The following GRM3 variants were observed in gnomAD, a reference collection of about 807,000 sequenced individuals.
The protein encoded by GRM3 is metabotropic glutamate receptor 3.
GRM3 carries 26 observed loss-of-function variants against 70.5 expected under a neutral mutation model. The ratio of observed to expected loss-of-function variants is 0.37; its 90% confidence interval spans 0.27 to 0.51. The LOEUF (loss-of-function observed/expected upper bound fraction) is 0.51. GRM3 is among the 20% of genes least tolerant of loss of function. The pLI is 0.93. For synonymous variants in GRM3, 443 were observed against 434.9 expected (o/e 1.02, Z -0.23); for missense variants, 859 against 1,123.8 (o/e 0.76, Z 3.37).
At chr7:86,806,827 A>G (rs1443401615) in intron 3 of GRM3, among the ~76,000 whole-genome samples, 3 of 151,874 alleles carry the variant, frequency 2.0e-5, no homozygotes, top group African/African-American at 4.8e-5. Flanking sequence ...GCCCATGCCT[A>G]TGTCCTGAAT....
At chr7:86,741,950 C>G (rs1162533002) in intron 1 of GRM3, among the ~76,000 whole-genome samples, 1 of 151,890 alleles carries the variant, frequency 6.6e-6, no homozygotes, top group African/African-American at 2.4e-5. Flanking sequence ...AGTAACATAC[C>G]ACACCAAAAT....
At chr7:86,853,784 T>C (rs1321311659) in intron 5 of GRM3, among the ~76,000 whole-genome samples, 1 of 152,198 alleles carries the variant, frequency 6.6e-6, no homozygotes, top group Non-Finnish European at 1.5e-5. Flanking sequence ...TACCTCTTTA[T>C]ATGATTATCT....
At chr7:86,742,074 G>A (rs992636313) in intron 1 of GRM3, among the ~76,000 whole-genome samples, 1 of 152,160 alleles carries the variant, frequency 6.6e-6, no homozygotes, top group African/African-American at 2.4e-5. Flanking sequence ...GCTCAAGACT[G>A]GTGGCTGGAA....
At chr7:86,840,110 G>A (rs1008770012) in intron 4 of GRM3, among the ~76,000 whole-genome samples, 2 of 152,138 alleles carry the variant, frequency 1.3e-5, no homozygotes, top group African/African-American at 4.8e-5. Flanking sequence ...CACTGTGCTA[G>A]GCACAGAGGG....
chr7:86,660,949 G>T (rs1407533567), intron 1 of GRM3, among the ~76,000 whole-genome samples: 1 of 151,958 alleles, frequency 6.6e-6, no homozygotes, highest in Non-Finnish European at 1.5e-5. Context: ...GCTAGACACT[G>T]AGTATAGAAT....
intron 3 of GRM3, among the ~76,000 whole-genome samples, chr7:86,798,285 C>T (rs1419173005): frequency 6.6e-6 from 1 of 152,128 alleles, no homozygotes; most frequent in East Asian, 1.9e-4. Context: ...AGACACTCAA[C>T]CCAGCCCATG....
chr7:86,849,413 A>C (rs560471934), intron 4 of GRM3, among the ~76,000 whole-genome samples: 97 of 151,052 alleles, frequency 6.4e-4, no homozygotes, highest in Non-Finnish European at 1.1e-3. Flanking sequence ...ATTATGCCAC[A>C]GGGCAGGCTG....
intron 1 of GRM3, among the ~76,000 whole-genome samples, chr7:86,696,103 T>C (rs1180515473): frequency 6.6e-6 from 1 of 152,224 alleles, no homozygotes; most frequent in Admixed American, 6.5e-5. Context: ...TTTCTAAACA[T>C]GCCTGTTTCC....
intron 1 of GRM3, among the ~76,000 whole-genome samples, chr7:86,761,215 A>G (rs1796472429): frequency 6.6e-6 from 1 of 152,164 alleles, no homozygotes; most frequent in Non-Finnish European, 1.5e-5. Context: ...TGGGTGTTCA[A>G]TAAATATTTC....
At chr7:86,674,662 C>T (rs78513353) in intron 1 of GRM3, among the ~76,000 whole-genome samples, 4,138 of 152,200 alleles carry the variant, frequency 0.027, 97 homozygotes, top group Non-Finnish European at 0.04. Context: ...CAGCTACAGT[C>T]ACAGTTTCTT....
At chr7:86,853,118 C>T (rs1798783495) in intron 5 of GRM3, among the ~76,000 whole-genome samples, 1 of 152,102 alleles carries the variant, frequency 6.6e-6, no homozygotes, top group African/African-American at 2.4e-5. Context: ...GGTTTTCATA[C>T]TGTAGACTGT....
chr7:86,733,260 G>C lies in GRM3; in HGVS notation c.-140-31746G>C, dbSNP rs1050996805. ...ACCCAGGAGGTGGAGCTTGCAGTGAGGCAAGATCATGCCACTGCACTCCAG... is the reference window on the plus strand; with the variant it reads ...ACCCAGGAGGTGGAGCTTGCAGTGACGCAAGATCATGCCACTGCACTCCAG... On this transcript the variant is annotated intron_variant, in intron 1 of 5. Coordinates refer to ENST00000361669, the MANE Select transcript of GRM3 (RefSeq NM_000840.3). Among the ~76,000 whole-genome samples, 3 of 151,488 alleles carry C rather than the reference G, an allele frequency of 2.0e-5. No individual in the cohort carries two copies. In the East Asian group the frequency reaches 5.8e-4, roughly 29 times the overall value.
intron 2 of GRM3, among the ~76,000 whole-genome samples, chr7:86,784,863 T>C (rs1181982675): frequency 1.3e-5 from 2 of 152,222 alleles, no homozygotes; most frequent in African/African-American, 2.4e-5. Context: ...GAAGATATTT[T>C]TGATAGCTCT....
intron 1 of GRM3, among the ~76,000 whole-genome samples, chr7:86,756,413 A>G (rs976906701): frequency 2.6e-5 from 4 of 152,132 alleles, no homozygotes; most frequent in African/African-American, 9.6e-5. Flanking sequence ...AAGTCTACTA[A>G]TTGTGAAATG....
chr7:86,658,737 C>G (rs1793816451), intron 1 of GRM3, among the ~76,000 whole-genome samples: 1 of 151,706 alleles, frequency 6.6e-6, no homozygotes, highest in Non-Finnish European at 1.5e-5. Context: ...GCAAATTTTC[C>G]TCATCTTTAA....
rs762404458 is a variant in GRM3 at position 86,702,114 on chromosome 7, AAAG to A, written c.-141+57246_-141+57248del. On this transcript the variant is annotated intron_variant, in intron 1 of 5. Transcript: ENST00000361669. ...TAAAACTTAAAGTAAAATAATAAAAAAAGAAGTCCTTCTTAAAATTCTCATTCT... is the reference window on the plus strand; with the variant it reads ...TAAAACTTAAAGTAAAATAATAAAAAAAGTCCTTCTTAAAATTCTCATTCT... 3.3e-4 allele frequency among the ~76,000 whole-genome samples: 50 copies of A among 152,190 alleles called. 1 individual carries two copies. Among genetic ancestry groups the A allele is most frequent in the Non-Finnish European group, 6.0e-4 (41 of 67,960 alleles).
chr7:86,686,374 G>A (rs1263304101), intron 1 of GRM3, among the ~76,000 whole-genome samples: 1 of 152,104 alleles, frequency 6.6e-6, no homozygotes, highest in African/African-American at 2.4e-5. Flanking sequence ...CCAGATGAGG[G>A]AACCCTAAAA....
Position 86,808,787 on chromosome 7 carries a change from G to C in GRM3, c.1324+21671G>C, listed in dbSNP as rs146064027. On this transcript the variant is annotated intron_variant, in intron 3 of 5. Transcript: ENST00000361669. ...ATATGGGGGAGAGCTTCACAGCAAG[G>C]AATAACAAGGCATAAGGTGTGAGCC... 1.6e-4 allele frequency among the ~76,000 whole-genome samples: 24 copies of C among 152,164 alleles called. 1 individual carries two copies. The highest frequency in any genetic ancestry group is 5.1e-4 in the African/African-American group (21 of 41,534).
intron 1 of GRM3, among the ~76,000 whole-genome samples, chr7:86,739,470 T>C (rs1795936769): frequency 6.6e-6 from 1 of 152,188 alleles, no homozygotes. Context: ...GATTGATATA[T>C]AAAAACTTGT....
Sources: gnomAD v4.1 joint callset for allele counts (sites outside exome capture counted in the v4.1 genomes callset) on GRCh38, gnomAD v4.1.1 for gene constraint, MANE v1.5 for transcripts, NCBI Gene and HGNC (gene_info 2026-07-23, HGNC 2026-07-21) for gene names.